Variants in RNF180 observed in about 807,000 individuals in gnomAD.
RNF180 encodes ring finger protein 180, also known as E3 ubiquitin-protein ligase RNF180.
A neutral mutation model predicts 59.2 loss-of-function variants in RNF180; 38 were observed. The ratio of observed to expected loss-of-function variants is 0.64; its 90% confidence interval spans 0.50 to 0.84. RNF180 has a LOEUF of 0.84. Among genes scored for constraint, RNF180 ranks in the 40% least tolerant of loss-of-function variants. The pLI is 0.00. For synonymous variants in RNF180, 262 were observed against 240.3 expected, an observed-to-expected ratio of 1.09 and a Z score of -0.84; for missense variants, 705 against 700.9, an observed-to-expected ratio of 1.01 and a Z score of -0.07.
Position 64,369,655 on chromosome 5 carries a change from C to T in RNF180, c.1620C>T (p.Phe540=). The T allele has an allele frequency of 6.5e-7, 1 of 1,533,882 alleles. No homozygotes were observed. The highest frequency in any genetic ancestry group is 8.8e-7 in the Non-Finnish European group (1 of 1,141,080). The change falls in exon 8 of 8, where the codon TTC becomes TTT. Residue 540 remains phenylalanine (F), a synonymous_variant. Coordinates refer to ENST00000389100, the MANE Select transcript of RNF180 (RefSeq NM_001113561.2). ...RHAAPVTRRQ[F]PHGAHRMDYL... ...CAGCTCCAGTTACAAGAAGGCAGTT[C>T]CCACACGGTGCACACAGGATGGATT...
chr5:64,199,548 G>A (rs1179256579), intron 1 of RNF180, among the ~76,000 whole-genome samples: 1 of 152,160 alleles, frequency 6.6e-6, no homozygotes, highest in Non-Finnish European at 1.5e-5. Context: ...CTGTTGATCT[G>A]TAGCATAGTG....
At chr5:64,278,190 T>TG in intron 5 of RNF180, among the ~76,000 whole-genome samples, 1 of 152,308 alleles carries the variant, frequency 6.6e-6, no homozygotes, top group East Asian at 1.9e-4. Flanking sequence ...AGGAAGAAGA[T>TG]GGTGGAAGAC....
chr5:64,335,034 T>G (rs563906200), intron 7 of RNF180, among the ~76,000 whole-genome samples: 116 of 152,288 alleles, frequency 7.6e-4, no homozygotes, highest in African/African-American at 2.7e-3. Flanking sequence ...GTATTTTCAG[T>G]CTTTTAGATT....
upstream of RNF180, among the ~76,000 whole-genome samples, chr5:64,165,675 G>A (rs1004299040): frequency 5.5e-4 from 83 of 152,284 alleles, 1 homozygote; most frequent in African/African-American, 1.9e-3. Flanking sequence ...AAAGCCCGGC[G>A]CCGCCCACGC....
At chr5:64,264,624 C>T (rs185359150) in intron 5 of RNF180, among the ~76,000 whole-genome samples, 30 of 152,264 alleles carry the variant, frequency 2.0e-4, no homozygotes, top group Non-Finnish European at 7.3e-5. Context: ...TTTATCCAGT[C>T]TATCATTGAT....
chr5:64,349,731 T>C (rs1343009346), intron 7 of RNF180, among the ~76,000 whole-genome samples: 1 of 152,154 alleles, frequency 6.6e-6, no homozygotes, highest in Non-Finnish European at 1.5e-5. Context: ...AATGATGGTT[T>C]CCAGCTTCAT....
chr5:64,244,379 T>C (rs1444009400), intron 5 of RNF180, among the ~76,000 whole-genome samples: 1 of 148,946 alleles, frequency 6.7e-6, no homozygotes, highest in African/African-American at 2.5e-5. Flanking sequence ...ATAACAAGTT[T>C]GGAGAGGAAC....
At chr5:64,172,671 T>G (rs972907777) in intron 1 of RNF180, among the ~76,000 whole-genome samples, 1 of 152,172 alleles carries the variant, frequency 6.6e-6, no homozygotes, top group Non-Finnish European at 1.5e-5. Flanking sequence ...ACTGTTAATA[T>G]GTAGATGAAA....
intron 7 of RNF180, among the ~76,000 whole-genome samples, chr5:64,341,273 T>TA (rs1351885605): frequency 6.6e-6 from 1 of 152,190 alleles, no homozygotes; most frequent in Non-Finnish European, 1.5e-5. Context: ...AATAATGCTT[T>TA]ACCTAACTAC....
chr5:64,356,259 CAAAA>C (rs199592908), intron 7 of RNF180, among the ~76,000 whole-genome samples: 1 of 136,112 alleles, frequency 7.3e-6, no homozygotes, highest in Non-Finnish European at 1.6e-5. Flanking sequence ...GAGACCATCT[CAAAA>C]AAAAAAATAA....
chr5:64,264,859 C>A (rs915653591), intron 5 of RNF180, among the ~76,000 whole-genome samples: 1 of 151,914 alleles, frequency 6.6e-6, no homozygotes, highest in African/African-American at 2.4e-5. Flanking sequence ...AATGTAAAAG[C>A]ATTCCTACTT....
intron 4 of RNF180, 56 bp downstream of exon 4, chr5:64,214,573 G>C: frequency 1.4e-6 from 2 of 1,478,670 alleles, no homozygotes; most frequent in Non-Finnish European, 1.8e-6. Context: ...CTGGAGTTTG[G>C]GGAGTGGAGC....
chr5:64,174,808 C>T (rs1183714489), intron 1 of RNF180, among the ~76,000 whole-genome samples: 3 of 151,996 alleles, frequency 2.0e-5, no homozygotes, highest in African/African-American at 4.8e-5. Flanking sequence ...TAAATATAAT[C>T]CTGCTTGTCT....
At chr5:64,178,202 C>CAAAAA (rs67465847) in intron 1 of RNF180, among the ~76,000 whole-genome samples, 5 of 86,806 alleles carry the variant, frequency 5.8e-5, no homozygotes, top group Admixed American at 1.2e-4. Context: ...GACTCCATCT[C>CAAAAA]AAAAAAAAAA....
intron 5 of RNF180, among the ~76,000 whole-genome samples, chr5:64,226,870 C>T (rs1430487261): frequency 1.3e-5 from 2 of 152,084 alleles, no homozygotes; most frequent in African/African-American, 2.4e-5. Context: ...CCTGGGAGAT[C>T]GTGGCAAGTT....
chr5:64,214,549 C>A, intron 4 of RNF180, 32 bp downstream of exon 4: 3 of 1,584,548 alleles, frequency 1.9e-6, no homozygotes, highest in Non-Finnish European at 2.6e-6. Flanking sequence ...TACTAAAAAT[C>A]TGTATTATAA....
At chr5:64,218,753 A>T (rs1254260719) in intron 5 of RNF180, among the ~76,000 whole-genome samples, 2 of 152,164 alleles carry the variant, frequency 1.3e-5, no homozygotes, top group Admixed American at 6.5e-5. Context: ...AGCATTTTGC[A>T]GTTTCCAGCA....
chr5:64,243,216 C>T (rs892129702), intron 5 of RNF180, among the ~76,000 whole-genome samples: 3 of 152,192 alleles, frequency 2.0e-5, no homozygotes, highest in African/African-American at 7.2e-5. Context: ...ACCACAGTGG[C>T]ACCTGGAATG....
chr5:64,192,693 C>T (rs990627765), intron 1 of RNF180, among the ~76,000 whole-genome samples: 1 of 151,590 alleles, frequency 6.6e-6, no homozygotes, highest in African/African-American at 2.4e-5. Context: ...AAACAAAACA[C>T]AGTATGGAGG....
Sources: allele counts gnomAD v4.1 joint callset (sites outside exome capture counted in the v4.1 genomes callset), GRCh38; gene constraint gnomAD v4.1.1; transcripts MANE v1.5; gene names NCBI Gene and HGNC (gene_info 2026-07-23, HGNC 2026-07-21).